The following ANK2 variants were observed in gnomAD, a reference collection of about 807,000 sequenced individuals.
ANK2 encodes ankyrin 2, also known as ankyrin-2.
A neutral mutation model predicts 360.5 loss-of-function variants in ANK2; 83 were observed. The observed-to-expected ratio is 0.23, with a 90% CI of 0.19 to 0.28. ANK2 has a LOEUF of 0.28. ANK2 is among the 10% of genes least tolerant of loss of function. The pLI, the probability that ANK2 is intolerant of heterozygous loss-of-function variation, is 1.00. For synonymous variants in ANK2, 1,740 were observed against 1,759.5 expected (o/e 0.99, Z 0.28); for missense variants, 4,201 against 4,795.7 (o/e 0.88, Z 3.66).
At chr4:112,803,021 G>A in the ANK2 span, among the ~76,000 whole-genome samples, 1 of 152,082 alleles carries the variant, frequency 6.6e-6, no homozygotes, top group East Asian at 1.9e-4. Flanking sequence ...CTGATTACTG[G>A]CTGTTGTTAT....
chr4:112,904,720 C>T (rs554645446), intron 2 of ANK2, among the ~76,000 whole-genome samples: 3 of 152,148 alleles, frequency 2.0e-5, no homozygotes, highest in East Asian at 1.9e-4. Context: ...TCATTGGTAT[C>T]ATTTGGGAAT....
intron 2 of ANK2, among the ~76,000 whole-genome samples, chr4:112,905,026 A>G (rs1350551710): frequency 6.6e-6 from 1 of 152,218 alleles, no homozygotes; most frequent in Non-Finnish European, 1.5e-5. Context: ...ATCAAGGGGA[A>G]GGAGGGAAGA....
At chr4:112,776,103 T>C in the ANK2 span, among the ~76,000 whole-genome samples, 1 of 152,096 alleles carries the variant, frequency 6.6e-6, no homozygotes, top group African/African-American at 2.4e-5. Flanking sequence ...GGGAGTGTTC[T>C]GGTTAAGAAG....
At chr4:112,728,681 GA>G in the ANK2 span, among the ~76,000 whole-genome samples, 6 of 151,994 alleles carry the variant, frequency 3.9e-5, no homozygotes, top group Non-Finnish European at 1.5e-5. Flanking sequence ...GAGCCCCGGG[GA>G]GTTGAGGCTG....
chr4:113,023,545 T>C (rs2058624110), intron 2 of ANK2, among the ~76,000 whole-genome samples: 2 of 152,226 alleles, frequency 1.3e-5, no homozygotes, highest in South Asian at 4.1e-4. Flanking sequence ...AGAAATATCA[T>C]TTCTCAGAGG....
intron 45 of ANK2, chr4:113,378,124 A>G (rs868288764): frequency 4.7e-6 from 6 of 1,281,640 alleles, no homozygotes; most frequent in Middle Eastern, 2.1e-4. Context: ...ATGAAAGTCC[A>G]CTTACCCAGT....
At chr4:112,918,218 T>A (rs1212573331) in intron 2 of ANK2, among the ~76,000 whole-genome samples, 1 of 152,190 alleles carries the variant, frequency 6.6e-6, no homozygotes, top group East Asian at 1.9e-4. Context: ...AGAAGGGCTC[T>A]GAGCTCAGCC....
chr4:112,882,701 A>G (rs576118447), intron 1 of ANK2, among the ~76,000 whole-genome samples: 2 of 149,050 alleles, frequency 1.3e-5, no homozygotes, highest in Non-Finnish European at 3.0e-5. Context: ...TAATAATAGA[A>G]TTTTTTTTTT....
chr4:113,014,903 G>A lies in ANK2; in HGVS notation c.21+110389G>A, dbSNP rs555248962. 7.9e-5 allele frequency among the ~76,000 whole-genome samples: 10 copies of A among 127,094 alleles called. No homozygotes were observed. In the Admixed American group the frequency reaches 8.9e-4, roughly 11 times the overall value. 83.4% of individuals were successfully genotyped at this position (127,094 alleles called of 152,430 possible). ...AGACGGAGTCTCGCTCTGTCACCCA[G>A]GCTGGAGTGCAGTGGCGCGATCTCG... On this transcript the variant is annotated intron_variant, in intron 2 of 30. Transcript: ENST00000503271.
intron 18 of ANK2, among the ~76,000 whole-genome samples, chr4:113,283,372 G>A (rs1239334692): frequency 6.6e-6 from 1 of 152,162 alleles, no homozygotes; most frequent in Non-Finnish European, 1.5e-5. Flanking sequence ...CTATGGATAG[G>A]AGAGAGGAAA....
intron 1 of ANK2, among the ~76,000 whole-genome samples, chr4:112,833,319 A>G (rs564565619): frequency 6.6e-6 from 1 of 152,362 alleles, no homozygotes; most frequent in East Asian, 1.9e-4. Flanking sequence ...TGGATTGAAC[A>G]GACAGCTGGC....
chr4:113,218,939 A>G (rs1165143138), intron 4 of ANK2, among the ~76,000 whole-genome samples: 3 of 152,162 alleles, frequency 2.0e-5, no homozygotes, highest in African/African-American at 7.2e-5. Flanking sequence ...CTTCAGGTTA[A>G]TGGATTTTGC....
chr4:113,312,796 A>G (rs1356076933), intron 24 of ANK2, among the ~76,000 whole-genome samples: 1 of 152,180 alleles, frequency 6.6e-6, no homozygotes, highest in Admixed American at 6.5e-5. Flanking sequence ...TTATATTTGC[A>G]TAGCAGGGGG....
At chr4:112,856,947 AG>A (rs1248996310) in intron 1 of ANK2, among the ~76,000 whole-genome samples, 1 of 151,980 alleles carries the variant, frequency 6.6e-6, no homozygotes, top group African/African-American at 2.4e-5. Context: ...ATCAAGGGTC[AG>A]GGGGTTGTTG....
intron 36 of ANK2, among the ~76,000 whole-genome samples, chr4:113,349,570 G>C (rs1249777853): frequency 6.6e-6 from 1 of 151,910 alleles, no homozygotes; most frequent in African/African-American, 2.4e-5. Flanking sequence ...ATCAACTTAA[G>C]ACTGAAGTCA....
At chr4:113,214,588 T>C (rs1324021872) in intron 4 of ANK2, among the ~76,000 whole-genome samples, 2 of 152,194 alleles carry the variant, frequency 1.3e-5, no homozygotes, top group Non-Finnish European at 2.9e-5. Flanking sequence ...GGTATTTGAC[T>C]AATATTTTCT....
chr4:113,158,475 T>C (rs913374209), intron 1 of ANK2, among the ~76,000 whole-genome samples: 1 of 152,036 alleles, frequency 6.6e-6, no homozygotes, highest in Non-Finnish European at 1.5e-5. Context: ...ACTCAATTAC[T>C]AATATATCCT....
intron 1 of ANK2, among the ~76,000 whole-genome samples, chr4:113,068,105 C>A (rs1403754684): frequency 1.3e-5 from 2 of 152,146 alleles, no homozygotes; most frequent in African/African-American, 4.8e-5. Context: ...ATTTCTTTCT[C>A]ATTAGTTTCC....
At chr4:113,232,932 G>A (rs2099328173) in intron 5 of ANK2, among the ~76,000 whole-genome samples, 1 of 151,940 alleles carries the variant, frequency 6.6e-6, no homozygotes, top group Non-Finnish European at 1.5e-5. Context: ...AGATTAAGGA[G>A]CAAGTTCAAT....
Sources: gnomAD v4.1 joint callset for allele counts (sites outside exome capture counted in the v4.1 genomes callset) on GRCh38, gnomAD v4.1.1 for gene constraint, MANE v1.5 for transcripts, NCBI Gene and HGNC (gene_info 2026-07-23, HGNC 2026-07-21) for gene names.